GALNT13: variants seen among roughly 807,000 people sequenced by gnomAD.
GALNT13 encodes UDP-GalNAc:polypeptide N-acetylgalactosaminyltransferase 13.
GALNT13 carries 28 observed loss-of-function variants against 64.2 expected under a neutral mutation model. The observed-to-expected ratio is 0.44, with a 90% CI of 0.32 to 0.60. The LOEUF (loss-of-function observed/expected upper bound fraction) is 0.60. Among genes scored for constraint, GALNT13 ranks in the 20% least tolerant of loss-of-function variants. The probability of loss-of-function intolerance (pLI) is 0.05; values close to 1 mark genes in which losing one functional copy is unlikely to be tolerated. For synonymous variants in GALNT13, 214 were observed against 224.6 expected, an observed-to-expected ratio of 0.95 and a Z score of 0.42; for missense variants, 577 against 669.8, an observed-to-expected ratio of 0.86 and a Z score of 1.53.
the GALNT13 span, among the ~76,000 whole-genome samples, chr2:153,703,273 C>A: frequency 1.3e-5 from 2 of 152,072 alleles, no homozygotes; most frequent in Non-Finnish European, 2.9e-5. Flanking sequence ...AAAATATAAT[C>A]TTAATTTTTT....
At chr2:153,152,937 C>G in the GALNT13 span, among the ~76,000 whole-genome samples, 1 of 152,126 alleles carries the variant, frequency 6.6e-6, no homozygotes, top group African/African-American at 2.4e-5. Flanking sequence ...AATGGGATTG[C>G]TGAGTCAAAT....
At chr2:154,243,982 A>T (rs1309355673) in intron 6 of GALNT13, among the ~76,000 whole-genome samples, 1 of 152,216 alleles carries the variant, frequency 6.6e-6, no homozygotes, top group African/African-American at 2.4e-5. Context: ...AGAGTGTTGT[A>T]CATGGCTAAT....
At chr2:154,109,110 G>C (rs961650203) in intron 3 of GALNT13, among the ~76,000 whole-genome samples, 1 of 152,016 alleles carries the variant, frequency 6.6e-6, no homozygotes, top group African/African-American at 2.4e-5. Flanking sequence ...CGCATTAAGT[G>C]TTTAGATCAC....
the GALNT13 span, among the ~76,000 whole-genome samples, chr2:153,223,872 A>G: frequency 6.6e-6 from 1 of 152,180 alleles, no homozygotes; most frequent in Admixed American, 6.5e-5. Context: ...CAGGAGGCTG[A>G]GGCAGTAGAA....
intron 3 of GALNT13, among the ~76,000 whole-genome samples, chr2:153,949,087 A>G (rs776681508): frequency 4.6e-5 from 7 of 152,076 alleles, no homozygotes; most frequent in Non-Finnish European, 1.0e-4. Flanking sequence ...AATTTCCTAT[A>G]GTATTGAGCA....
chr2:154,371,733 G>T (rs799777), intron 9 of GALNT13, among the ~76,000 whole-genome samples: 5 of 150,296 alleles, frequency 3.3e-5, no homozygotes, highest in Non-Finnish European at 5.9e-5. Context: ...ATCCTGAGTA[G>T]GGAAAGGTAG....
the GALNT13 span, among the ~76,000 whole-genome samples, chr2:153,144,587 G>A: frequency 3.3e-5 from 5 of 151,894 alleles, no homozygotes; most frequent in East Asian, 9.7e-4. Flanking sequence ...ATAGGAGGAA[G>A]AAAGAATAAT....
chr2:154,098,847 T>C (rs889290805), intron 3 of GALNT13, among the ~76,000 whole-genome samples: 4 of 152,104 alleles, frequency 2.6e-5, no homozygotes, highest in African/African-American at 9.7e-5. Context: ...ATTCCATGAC[T>C]TTGGTGTTGT....
chr2:153,089,435 C>G, the GALNT13 span, among the ~76,000 whole-genome samples: 1 of 152,100 alleles, frequency 6.6e-6, no homozygotes, highest in Non-Finnish European at 1.5e-5. Context: ...TTTAGATAAC[C>G]TGATGACTAT....
the GALNT13 span, among the ~76,000 whole-genome samples, chr2:153,639,890 A>G: frequency 6.6e-6 from 1 of 152,110 alleles, no homozygotes; most frequent in Non-Finnish European, 1.5e-5. Flanking sequence ...CAATCTGAGG[A>G]CTAGAGTCTT....
At chr2:153,602,209 T>C in the GALNT13 span, among the ~76,000 whole-genome samples, 1 of 151,924 alleles carries the variant, frequency 6.6e-6, no homozygotes, top group Non-Finnish European at 1.5e-5. Context: ...TAACATGTTT[T>C]TAATTTATTT....
At chr2:153,637,737 T>C in the GALNT13 span, among the ~76,000 whole-genome samples, 1 of 152,158 alleles carries the variant, frequency 6.6e-6, no homozygotes, top group Admixed American at 6.6e-5. Context: ...AATCTGTGTA[T>C]GTGTGGAGTT....
the GALNT13 span, among the ~76,000 whole-genome samples, chr2:153,806,808 G>T: frequency 2.0e-5 from 3 of 152,014 alleles, no homozygotes; most frequent in Non-Finnish European, 4.4e-5. Context: ...AATAGTGAGG[G>T]AAAGGAATAG....
the GALNT13 span, among the ~76,000 whole-genome samples, chr2:153,852,955 C>A: frequency 1.3e-5 from 2 of 152,128 alleles, no homozygotes; most frequent in Non-Finnish European, 2.9e-5. Flanking sequence ...AATAGGCCAT[C>A]TGCAAGCTAA....
chr2:153,944,491 G>A lies in GALNT13; in HGVS notation c.-7G>A, dbSNP rs772979116. 60 of 1,610,604 alleles carry A rather than the reference G, an allele frequency of 3.7e-5. No individual in the cohort carries two copies. Among genetic ancestry groups the A allele is most frequent in the Admixed American group, 3.7e-4 (22 of 59,644 alleles). ...ATCTGTGTGTTAACTAGAAATCAAG[G>A]AAAGACATGAGGAGATTTGTCTACT... On this transcript the variant is annotated 5_prime_UTR_variant, in exon 3 of 13. Coordinates refer to ENST00000392825, the MANE Select transcript of GALNT13 (RefSeq NM_052917.4).
At chr2:153,539,879 C>T in the GALNT13 span, among the ~76,000 whole-genome samples, 2 of 152,092 alleles carry the variant, frequency 1.3e-5, no homozygotes, top group Non-Finnish European at 2.9e-5. Flanking sequence ...GAAGAAATTT[C>T]TAAGCAGCAA....
chr2:154,144,403 A>G (rs1049968680), intron 4 of GALNT13, among the ~76,000 whole-genome samples: 1 of 152,192 alleles, frequency 6.6e-6, no homozygotes, highest in African/African-American at 2.4e-5. Flanking sequence ...GTTTTTGGAT[A>G]ATTATATCTT....
the GALNT13 span, among the ~76,000 whole-genome samples, chr2:153,326,867 T>C: frequency 1.3e-5 from 2 of 152,138 alleles, no homozygotes; most frequent in Non-Finnish European, 2.9e-5. Flanking sequence ...CGGTGGATCA[T>C]GAGGTCAGGA....
chr2:153,466,659 C>G, the GALNT13 span, among the ~76,000 whole-genome samples: 1 of 151,978 alleles, frequency 6.6e-6, no homozygotes, highest in Non-Finnish European at 1.5e-5. Context: ...AGAGCTTCTT[C>G]TTCAGCAAAA....
Sources: allele counts gnomAD v4.1 joint callset (sites outside exome capture counted in the v4.1 genomes callset), GRCh38; gene constraint gnomAD v4.1.1; transcripts MANE v1.5; gene names NCBI Gene and HGNC (gene_info 2026-07-23, HGNC 2026-07-21).